ACADL: variants seen among roughly 807,000 people sequenced by gnomAD.
ACADL encodes the protein acyl-CoA dehydrogenase long chain.
A neutral mutation model predicts 56.9 loss-of-function variants in ACADL; 60 were observed. That is an observed-to-expected ratio of 1.05 (90% confidence interval 0.86 to 1.31). ACADL has a LOEUF of 1.31. Ranked by LOEUF, ACADL falls within the 50% of genes most tolerant of loss-of-function variation. ACADL has a pLI of 0.00. For missense variants in ACADL, 484 were observed against 525.5 expected, an observed-to-expected ratio of 0.92 and a Z score of 0.77; for synonymous variants, 158 against 179.7, an observed-to-expected ratio of 0.88 and a Z score of 0.97.
intron 8 of ACADL, among the ~76,000 whole-genome samples, chr2:210,196,278 A>G (rs570267854): frequency 8.8e-5 from 13 of 147,062 alleles, no homozygotes; most frequent in African/African-American, 3.3e-4. Flanking sequence ...TTTTTTTTTA[A>G]TAAATTACCC....
chr2:210,188,640 G>A lies in ACADL; in HGVS notation c.*321C>T, dbSNP rs1405442412. The A allele has an allele frequency of 1.2e-5, 3 of 245,182 alleles. No homozygotes were observed. Among genetic ancestry groups the A allele is most frequent in the Non-Finnish European group, 2.4e-5 (3 of 124,708 alleles). The allele number at this position is 245,182 out of a possible 1,614,324, so 15.2% of individuals were successfully genotyped here. On this transcript the variant is annotated 3_prime_UTR_variant, in exon 11 of 11. Transcript: ENST00000233710. ...ACTATAGCGACATAAAATTATTTCT[G>A]CCTTGGTTTGAAGATTTGAATGATT... is the stretch of plus-strand genomic sequence containing the variant.
chr2:210,194,491 T>C (rs546338339), intron 9 of ACADL, among the ~76,000 whole-genome samples: 2 of 152,318 alleles, frequency 1.3e-5, no homozygotes, highest in South Asian at 4.1e-4. Flanking sequence ...TATTCTAAAA[T>C]CTTAAAATAT....
chr2:210,199,440 ATTAAAG>A lies in ACADL; in HGVS notation c.984+3885_984+3890del, dbSNP rs948055121. Among the ~76,000 whole-genome samples the A allele has an allele frequency of 3.3e-5, 5 of 152,166 alleles. 1 individual carries two copies. The highest frequency in any genetic ancestry group is 3.3e-4 in the Admixed American group (5 of 15,268). On this transcript the variant is annotated intron_variant, in intron 8 of 10. Coordinates refer to ENST00000233710, the MANE Select transcript of ACADL (RefSeq NM_001608.4). ...AATGATACTTCTTTAAAAAGGAATGATTAAAGTTATTTATTTTTTGCTATTAAAATA... is the reference window on the plus strand; with the variant it reads ...AATGATACTTCTTTAAAAAGGAATGATTATTTATTTTTTGCTATTAAAATA...
intron 4 of ACADL, among the ~76,000 whole-genome samples, chr2:210,214,508 A>AAAGAAAGAAAGAAAGAAAGAAAGAAAGG (rs1491350552): frequency 3.7e-5 from 1 of 27,018 alleles, no homozygotes; most frequent in Non-Finnish European, 1.0e-4. Context: ...AGAAAGAAAG[A>AAAGAAAGAAAGAAAGAAAGAAAGAAAGG]AAAAGAAAGA....
intron 10 of ACADL, among the ~76,000 whole-genome samples, chr2:210,191,911 G>C (rs1185505601): frequency 6.6e-6 from 1 of 152,028 alleles, no homozygotes. Context: ...AAGACTGTTA[G>C]GAGAAAAGGA....
In ACADL at chr2:210,221,774, G is replaced by T. The variant is rs533637417; in HGVS notation, c.78-972C>A. ...GATGGAGTCTGGCTCTGTCGCCCAG[G>T]CTGGAATGCAGTGATGCAATCTTGG... On this transcript the variant is annotated intron_variant, in intron 1 of 10. Coordinates refer to ENST00000233710, the MANE Select transcript of ACADL (RefSeq NM_001608.4). Among the ~76,000 whole-genome samples the T allele has an allele frequency of 4.6e-5, 7 of 150,890 alleles. No homozygotes were observed. In the East Asian group the frequency reaches 1.4e-3, roughly 29 times the overall value.
At chr2:210,190,716 A>T (rs1285220830) in intron 10 of ACADL, among the ~76,000 whole-genome samples, 1 of 152,168 alleles carries the variant, frequency 6.6e-6, no homozygotes, top group Non-Finnish European at 1.5e-5. Context: ...CAAAAACAAA[A>T]AAACAAAATA....
At chr2:210,225,118 A>G in intron 1 of ACADL, 69 bp downstream of exon 1, 1 of 1,525,246 alleles carries the variant, frequency 6.6e-7, no homozygotes, top group South Asian at 1.2e-5. Flanking sequence ...AGCCAGCGAC[A>G]GGAGTGACTC....
At chr2:210,195,857 C>T (rs983958189) in intron 8 of ACADL, among the ~76,000 whole-genome samples, 1 of 152,040 alleles carries the variant, frequency 6.6e-6, no homozygotes. Context: ...TTTAATATTG[C>T]ACAGTATTTA....
chr2:210,204,461 C>T, intron 7 of ACADL, 120 bp downstream of exon 7: 1 of 752,336 alleles, frequency 1.3e-6, no homozygotes, highest in South Asian at 1.6e-5. Context: ...AAATGATTAG[C>T]TATTTCACAA....
intron 1 of ACADL, 65 bp downstream of exon 1, chr2:210,225,122 G>C: frequency 2.0e-6 from 3 of 1,526,452 alleles, no homozygotes; most frequent in Non-Finnish European, 1.7e-6. Context: ...AGCGACAGGA[G>C]TGACTCGCTG....
At chr2:210,214,439 C>T (rs557802273) in intron 4 of ACADL, among the ~76,000 whole-genome samples, 1 of 113,802 alleles carries the variant, frequency 8.8e-6, no homozygotes, top group African/African-American at 3.0e-5. Context: ...TTTACTATAT[C>T]CTCTCATGAC....
intron 1 of ACADL, 73 bp downstream of exon 1, chr2:210,225,114 C>T: frequency 6.6e-7 from 1 of 1,524,860 alleles, no homozygotes; most frequent in African/African-American, 1.4e-5. Context: ...TTCAAGCCAG[C>T]GACAGGAGTG....
At chr2:210,208,812 G>A (rs1428798858) in intron 5 of ACADL, among the ~76,000 whole-genome samples, 2 of 151,992 alleles carry the variant, frequency 1.3e-5, no homozygotes, top group South Asian at 2.1e-4. Context: ...CTGCACATTC[G>A]TTCAGATGCA....
intron 1 of ACADL, chr2:210,224,978 C>T (rs1441527800): frequency 7.2e-6 from 10 of 1,390,896 alleles, no homozygotes; most frequent in African/African-American, 3.1e-5. Context: ...GGCGGCACGG[C>T]TGACACCCCT....
Position 210,193,017 on chromosome 2 carries a change from C to T in ACADL, c.1113-127G>A, listed in dbSNP as rs1194105624. 5 of 683,728 alleles carry T rather than the reference C, an allele frequency of 7.3e-6. No individual in the cohort carries two copies. In the African/African-American group the frequency reaches 9.0e-5, roughly 12 times the overall value. The allele number at this position is 683,728 out of a possible 1,614,324, so 42.4% of individuals were successfully genotyped here. A position where few individuals can be genotyped will look rare whatever the true frequency, so the allele number is the denominator to read the frequency against. On this transcript the variant is annotated intron_variant, in intron 9 of 10. Coordinates refer to ENST00000233710, the MANE Select transcript of ACADL (RefSeq NM_001608.4). ...CACATTTATTAAGCAATTAGAACGG[C>T]ATATTAGCTAAGCAAAGAAGATAAA...
chr2:210,191,002 C>T (rs141861834), intron 10 of ACADL, among the ~76,000 whole-genome samples: 76 of 151,614 alleles, frequency 5.0e-4, no homozygotes, highest in East Asian at 1.9e-4. Flanking sequence ...CTGCAACCTC[C>T]GCCTCTCGGG....
At chr2:210,202,476 A>C (rs116175814) in intron 8 of ACADL, among the ~76,000 whole-genome samples, 2,226 of 152,204 alleles carry the variant, frequency 0.015, 69 homozygotes, top group African/African-American at 0.051. Context: ...CTGAACTCAT[A>C]GATGTCCTTT....
intron 4 of ACADL, among the ~76,000 whole-genome samples, chr2:210,212,820 T>C (rs1689008003): frequency 6.6e-6 from 1 of 152,184 alleles, no homozygotes; most frequent in African/African-American, 2.4e-5. Context: ...TGTTAAATTA[T>C]ATTATTAAAA....
Sources: allele counts gnomAD v4.1 joint callset (sites outside exome capture counted in the v4.1 genomes callset), GRCh38; gene constraint gnomAD v4.1.1; transcripts MANE v1.5; gene names NCBI Gene and HGNC (gene_info 2026-07-23, HGNC 2026-07-21).